Variants in TPST1 observed in about 807,000 individuals in gnomAD.
TPST1 encodes the protein tyrosylprotein sulfotransferase 1.
Under a neutral mutation model 34.8 loss-of-function variants are expected in TPST1, and 20 were observed. The ratio of observed to expected loss-of-function variants is 0.57; its 90% CI spans 0.40 to 0.84. TPST1 has a LOEUF of 0.84. TPST1 is among the 40% of genes least tolerant of loss of function. TPST1 has a pLI of 0.00. For missense variants in TPST1, 353 were observed against 455.5 expected (o/e 0.78, Z 2.05); for synonymous variants, 152 against 159.4 (o/e 0.95, Z 0.35).
At chr7:66,267,263 A>G (rs745929728) in intron 2 of TPST1, among the ~76,000 whole-genome samples, 29 of 152,190 alleles carry the variant, frequency 1.9e-4, no homozygotes, top group Admixed American at 7.2e-4. Context: ...ATTTTAGCCA[A>G]TGTTTAAATA....
intron 2 of TPST1, among the ~76,000 whole-genome samples, chr7:66,277,470 G>A (rs183995432): frequency 2.6e-5 from 4 of 152,272 alleles, no homozygotes; most frequent in African/African-American, 9.6e-5. Flanking sequence ...GTATTTTGGA[G>A]TTTGTGAGCT....
chr7:66,284,626 G>A (rs1431567051), intron 2 of TPST1, among the ~76,000 whole-genome samples: 4 of 145,902 alleles, frequency 2.7e-5, no homozygotes, highest in Non-Finnish European at 4.5e-5. Flanking sequence ...GTGTGATCTC[G>A]GTTCACCGCA....
Position 66,205,987 on chromosome 7 carries a change from TGCTCCTAA to T in TPST1, c.-102+468_-102+475del, listed in dbSNP as rs1789120570. 1 of 152,724 alleles carries T rather than the reference TGCTCCTAA, an allele frequency of 6.5e-6. No individual in the cohort carries two copies. The highest frequency in any genetic ancestry group is 1.5e-5 in the Non-Finnish European group (1 of 68,436). The allele number at this position is 152,724 out of a possible 1,614,324, so 9.5% of individuals were successfully genotyped here. ...CAGGTGTCCCTGGGTCTTGCCCTTT[TGCTCCTAA>T]GCACCTTCCTTTCCCAACTCGCCTC... On this transcript the variant is annotated intron_variant, in intron 1 of 5. Coordinates refer to ENST00000304842, the MANE Select transcript of TPST1 (RefSeq NM_003596.4). The surrounding 1 kb of genome is among the most constrained non-coding windows in gnomAD (Gnocchi z 5.0).
intron 3 of TPST1, among the ~76,000 whole-genome samples, chr7:66,300,166 C>T (rs750800758): frequency 6.6e-6 from 1 of 152,124 alleles, no homozygotes; most frequent in Non-Finnish European, 1.5e-5. Context: ...CTAGACCATT[C>T]AGGGTGGTGG....
intron 2 of TPST1, among the ~76,000 whole-genome samples, chr7:66,251,537 G>A (rs1300650656): frequency 6.6e-6 from 1 of 152,170 alleles, no homozygotes; most frequent in Admixed American, 6.5e-5. Context: ...TTAGGGCAAA[G>A]GTAGTCTTGA....
intron 3 of TPST1, among the ~76,000 whole-genome samples, chr7:66,342,087 A>T (rs564996808): frequency 8.5e-5 from 13 of 152,316 alleles, no homozygotes; most frequent in African/African-American, 3.1e-4. Context: ...GAACAGCAGG[A>T]TGTTATCAAA....
intron 1 of TPST1, among the ~76,000 whole-genome samples, chr7:66,219,506 A>G (rs1157650612): frequency 6.6e-6 from 1 of 152,192 alleles, no homozygotes. Flanking sequence ...GTGTGCAAAT[A>G]TGCATCCTGC....
In TPST1 at chr7:66,286,568, ATGGGT is replaced by A; in HGVS notation, c.908_912del (p.Val303GlufsTer23). The A allele has an allele frequency of 6.2e-7, 1 of 1,609,864 alleles. No individual in the cohort carries two copies. The highest frequency in any genetic ancestry group is 1.7e-5 in the Admixed American group (1 of 59,694). ...CAGTCAATGTAGGAGCTCTATCAAAATGGGTTGGGAAGATACCGCCAGATGTTTTA... is the reference window on the plus strand; with the variant it reads ...CAGTCAATGTAGGAGCTCTATCAAAATGGGAAGATACCGCCAGATGTTTTA... On this transcript the variant is annotated frameshift_variant, in exon 3 of 6. Coordinates refer to ENST00000304842, the MANE Select transcript of TPST1 (RefSeq NM_003596.4). LOFTEE classifies it high-confidence loss of function.
rs1373961181 is a variant in TPST1 at position 66,345,658 on chromosome 7, C to CTTTATTATGTTT, written c.1045-6844_1045-6833dup. ...TGAAATATCTCTATATTTATTATGT[C>CTTTATTATGTTT]TTTATTATGTTTTTAATTATGTTTT... On this transcript the variant is annotated intron_variant, in intron 3 of 5. Transcript: ENST00000304842. Among the ~76,000 whole-genome samples, 3 of 151,606 alleles carry CTTTATTATGTTT rather than the reference C, an allele frequency of 2.0e-5. No individual in the cohort carries two copies. In the East Asian group the frequency reaches 5.8e-4, roughly 29 times the overall value.
chr7:66,220,583 G>T (rs1193959547), intron 1 of TPST1, among the ~76,000 whole-genome samples: 1 of 149,332 alleles, frequency 6.7e-6, no homozygotes, highest in Non-Finnish European at 1.5e-5. Flanking sequence ...ATCAGGCAGA[G>T]AGACACGCAA....
At chr7:66,210,748 G>C (rs576206667) in intron 1 of TPST1, among the ~76,000 whole-genome samples, 161 of 152,298 alleles carry the variant, frequency 1.1e-3, no homozygotes, top group African/African-American at 3.6e-3. Context: ...AGGATTGCTT[G>C]AGACCAGGAG....
intron 2 of TPST1, among the ~76,000 whole-genome samples, chr7:66,254,537 G>A (rs1358274493): frequency 6.6e-6 from 1 of 152,042 alleles, no homozygotes; most frequent in East Asian, 1.9e-4. Flanking sequence ...CCGAGTCGCT[G>A]GGATTGCAAG....
intron 3 of TPST1, among the ~76,000 whole-genome samples, chr7:66,317,071 A>G (rs1791647539): frequency 1.3e-5 from 2 of 152,242 alleles, no homozygotes; most frequent in African/African-American, 2.4e-5. Flanking sequence ...TGAACTTAAA[A>G]TAAAAGTTAA....
intron 5 of TPST1, among the ~76,000 whole-genome samples, chr7:66,358,407 C>A (rs1792625588): frequency 6.7e-6 from 1 of 149,510 alleles, no homozygotes; most frequent in Non-Finnish European, 1.5e-5. Context: ...GCATAAAATA[C>A]CAAGGATTTT....
At chr7:66,286,808 GAA>G in intron 3 of TPST1, 99 bp downstream of exon 3, 1 of 472,212 alleles carries the variant, frequency 2.1e-6, no homozygotes, top group Non-Finnish European at 2.9e-6. Context: ...TTAATGATCA[GAA>G]AAATATATTT....
intron 2 of TPST1, among the ~76,000 whole-genome samples, chr7:66,275,718 G>A (rs920301832): frequency 5.9e-5 from 9 of 152,150 alleles, no homozygotes; most frequent in Admixed American, 1.3e-4. Context: ...AGGGCCTGGA[G>A]GTTAGAGGAG....
chr7:66,266,306 T>A (rs1790591109), intron 2 of TPST1, among the ~76,000 whole-genome samples: 1 of 152,108 alleles, frequency 6.6e-6, no homozygotes, highest in Admixed American at 6.6e-5. Flanking sequence ...GGCTTAGTAT[T>A]ATTAGTCCAT....
chr7:66,342,332 C>T (rs1039970976), intron 3 of TPST1, among the ~76,000 whole-genome samples: 1 of 152,156 alleles, frequency 6.6e-6, no homozygotes, highest in South Asian at 2.1e-4. Flanking sequence ...TCACCAGATT[C>T]TCAGGGTAAA....
At chr7:66,224,901 C>CTTT (rs780952403) in intron 1 of TPST1, among the ~76,000 whole-genome samples, 1,104 of 42,546 alleles carry the variant, frequency 0.026, 49 homozygotes, top group African/African-American at 0.036. Flanking sequence ...TTCTGGTATT[C>CTTT]TTTTTTTTTT....
Sources: gnomAD v4.1 joint callset for allele counts (sites outside exome capture counted in the v4.1 genomes callset) on GRCh38, gnomAD v4.1.1 for gene constraint, Gnocchi (gnomAD v3.1) non-coding constraint, MANE v1.5 for transcripts, NCBI Gene and HGNC (gene_info 2026-07-23, HGNC 2026-07-21) for gene names.